The following P3H2 variants were observed in gnomAD, a reference collection of about 807,000 sequenced individuals.
P3H2 encodes leprecan-like 1.
A neutral mutation model predicts 87.0 loss-of-function variants in P3H2; 80 were observed. The observed-to-expected ratio is 0.92, with a 90% CI of 0.77 to 1.11. The LOEUF (loss-of-function observed/expected upper bound fraction) is 1.11, where lower values mean the gene tolerates loss of function less well. Among genes scored for constraint, P3H2 ranks in the 50% least tolerant of loss-of-function variants. The pLI, the probability that P3H2 is intolerant of heterozygous loss-of-function variation, is 0.00. For missense variants in P3H2, 1,001 were observed against 923.9 expected (o/e 1.08, Z -1.08); for synonymous variants, 367 against 359.3 (o/e 1.02, Z -0.24).
chr3:190,114,445 CAAAGT>C (rs1028768979), intron 1 of P3H2, among the ~76,000 whole-genome samples: 16 of 152,050 alleles, frequency 1.1e-4, no homozygotes, highest in Admixed American at 9.8e-4. Flanking sequence ...CTCGGCCTCC[CAAAGT>C]GCTGGGATTA....
chr3:190,067,343 T>A (rs151294833), intron 1 of P3H2, among the ~76,000 whole-genome samples: 46 of 152,296 alleles, frequency 3.0e-4, no homozygotes, highest in African/African-American at 6.0e-4. Flanking sequence ...GCAGTCTTCA[T>A]GTACCCAGGA....
At chr3:190,051,724 G>C (rs766698920) in intron 1 of P3H2, among the ~76,000 whole-genome samples, 66 of 152,166 alleles carry the variant, frequency 4.3e-4, no homozygotes, top group Non-Finnish European at 4.3e-4. Context: ...CCCTCTCCAA[G>C]ATCTAATCTG....
chr3:190,011,834 T>A (rs915201861), intron 1 of P3H2, among the ~76,000 whole-genome samples: 3 of 152,276 alleles, frequency 2.0e-5, no homozygotes, highest in African/African-American at 7.2e-5. Flanking sequence ...AAAAGCAGAT[T>A]GTATGACATT....
intron 1 of P3H2, among the ~76,000 whole-genome samples, chr3:190,000,537 G>A (rs919335177): frequency 3.3e-5 from 5 of 152,188 alleles, no homozygotes; most frequent in Non-Finnish European, 7.3e-5. Flanking sequence ...AAAGTTGTGA[G>A]CACTGACTGG....
At position 190,084,475 on chromosome 3, in the gene P3H2, C is replaced by T. The variant is rs113458137; in HGVS notation, c.480+35777G>A. ...AAGACATACCTTTAGTCTTAGCTCACGTTACTTCCAAGACCTAAACGCACA... is the reference window on the plus strand; with the variant it reads ...AAGACATACCTTTAGTCTTAGCTCATGTTACTTCCAAGACCTAAACGCACA... On this transcript the variant is annotated intron_variant, in intron 1 of 14. Coordinates refer to ENST00000319332, the MANE Select transcript of P3H2 (RefSeq NM_018192.4). 2.5e-3 allele frequency among the ~76,000 whole-genome samples: 378 copies of T among 152,248 alleles called. 2 individuals are homozygous for T. The highest frequency in any genetic ancestry group is 8.5e-3 in the African/African-American group (353 of 41,554).
chr3:190,098,171 A>G (rs955778479), intron 1 of P3H2, among the ~76,000 whole-genome samples: 1 of 152,218 alleles, frequency 6.6e-6, no homozygotes, highest in Non-Finnish European at 1.5e-5. Context: ...ATTTGTATAG[A>G]ACTTGAACAT....
intron 1 of P3H2, among the ~76,000 whole-genome samples, chr3:190,095,543 C>A: frequency 6.7e-6 from 1 of 149,436 alleles, no homozygotes; most frequent in Non-Finnish European, 1.5e-5. Flanking sequence ...GAGCTAAGTC[C>A]ATGAAGATAT....
At chr3:190,087,653 AC>A (rs1727273626) in intron 1 of P3H2, among the ~76,000 whole-genome samples, 1 of 152,138 alleles carries the variant, frequency 6.6e-6, no homozygotes, top group African/African-American at 2.4e-5. Flanking sequence ...GTATTTGAAT[AC>A]GATCAGTATT....
At chr3:190,000,629 G>A (rs1296078507) in intron 1 of P3H2, among the ~76,000 whole-genome samples, 1 of 152,164 alleles carries the variant, frequency 6.6e-6, no homozygotes, top group Non-Finnish European at 1.5e-5. Flanking sequence ...AGACCTAAAA[G>A]TTGAGAAGCC....
chr3:190,029,839 A>G (rs1725196435), intron 1 of P3H2, among the ~76,000 whole-genome samples: 1 of 151,964 alleles, frequency 6.6e-6, no homozygotes, highest in Non-Finnish European at 1.5e-5. Flanking sequence ...TGTCTCTACT[A>G]AAAATACAAA....
chr3:190,047,144 G>T (rs6772721), intron 1 of P3H2, among the ~76,000 whole-genome samples: 2,226 of 152,248 alleles, frequency 0.015, 37 homozygotes, highest in African/African-American at 0.049. Context: ...ATGAAAAGGT[G>T]CTCAACATCA....
At chr3:190,003,430 GAC>G (rs1724276846) in intron 1 of P3H2, among the ~76,000 whole-genome samples, 1 of 150,192 alleles carries the variant, frequency 6.7e-6, no homozygotes, top group Admixed American at 6.6e-5. Flanking sequence ...TTAAAGTGAA[GAC>G]ACAGAACTTT....
At chr3:189,969,424 G>C (rs553488719) in intron 13 of P3H2, 1 of 815,962 alleles carries the variant, frequency 1.2e-6, no homozygotes, top group South Asian at 1.4e-5. Context: ...AACGTCTCTC[G>C]TTTGGGGGCT....
intron 1 of P3H2, among the ~76,000 whole-genome samples, chr3:190,033,113 G>T (rs571748834): frequency 1.3e-5 from 2 of 152,072 alleles, no homozygotes; most frequent in African/African-American, 2.4e-5. Context: ...AATAGCGCTC[G>T]CGCTCCTAAG....
intron 1 of P3H2, among the ~76,000 whole-genome samples, chr3:190,004,453 G>GCTCA (rs1244206207): frequency 1.3e-5 from 2 of 152,116 alleles, no homozygotes. Flanking sequence ...CGGGATCTCG[G>GCTCA]CTCACTGCAA....
intron 1 of P3H2, among the ~76,000 whole-genome samples, chr3:190,086,941 G>C (rs2108983023): frequency 6.6e-6 from 1 of 152,318 alleles, no homozygotes; most frequent in South Asian, 2.1e-4. Flanking sequence ...AGCCTAAGAT[G>C]GGAACTTGAG....
chr3:190,000,038 T>C (rs958903465), intron 1 of P3H2, among the ~76,000 whole-genome samples: 3 of 152,170 alleles, frequency 2.0e-5, no homozygotes, highest in Admixed American at 6.5e-5. Flanking sequence ...GAGTTTTCCA[T>C]AGCTAGTAAT....
intron 1 of P3H2, among the ~76,000 whole-genome samples, chr3:190,089,337 G>A (rs1246072151): frequency 6.6e-6 from 1 of 152,172 alleles, no homozygotes; most frequent in African/African-American, 2.4e-5. Flanking sequence ...CCTGCACGTT[G>A]TGCACATGTA....
At chr3:189,997,241 C>T (rs757693088) in intron 1 of P3H2, among the ~76,000 whole-genome samples, 3 of 152,102 alleles carry the variant, frequency 2.0e-5, no homozygotes, top group Non-Finnish European at 2.9e-5. Flanking sequence ...AGGATGGTCT[C>T]GATCTCCTGA....
Sources: gnomAD v4.1 joint callset for allele counts (sites outside exome capture counted in the v4.1 genomes callset) on GRCh38, gnomAD v4.1.1 for gene constraint, MANE v1.5 for transcripts, NCBI Gene and HGNC (gene_info 2026-07-23, HGNC 2026-07-21) for gene names.